The following NEGR1 variants were observed in gnomAD, a reference collection of about 807,000 sequenced individuals.
The protein encoded by NEGR1 is IgLON family member 4.
In NEGR1, 10 loss-of-function variants were observed where a neutral mutation model predicts 40.9. That is an observed-to-expected ratio of 0.24 (90% CI 0.15 to 0.42). The LOEUF (loss-of-function observed/expected upper bound fraction) is 0.42, where lower values mean the gene tolerates loss of function less well. Among genes scored for constraint, NEGR1 ranks in the 10% least tolerant of loss-of-function variants. The pLI, the probability that NEGR1 is intolerant of heterozygous loss-of-function variation, is 1.00. For synonymous variants in NEGR1, 185 were observed against 166.8 expected (o/e 1.11, Z -0.84); for missense variants, 352 against 438.9 (o/e 0.80, Z 1.77).
chr1:71,786,087 A>G (rs1656898668), intron 2 of NEGR1, among the ~76,000 whole-genome samples: 2 of 152,256 alleles, frequency 1.3e-5, no homozygotes, highest in East Asian at 3.9e-4. Flanking sequence ...AAGATAATAT[A>G]CATTCACTGA....
At chr1:71,988,923 T>G (rs1159562150) in intron 1 of NEGR1, among the ~76,000 whole-genome samples, 1 of 82,258 alleles carries the variant, frequency 1.2e-5, no homozygotes, top group Non-Finnish European at 2.2e-5. Flanking sequence ...TATTGGATGT[T>G]AAAAAAAAAA....
At position 72,282,443 on chromosome 1, in the gene NEGR1, C is replaced by T; in HGVS notation, c.52G>A (p.Ala18Thr). ...CAGCACAGGCTGAGGAGCACCGCCG[C>T]CAGCCACTGGTTCGAGCAACAAGCA... is the stretch of plus-strand genomic sequence containing the variant. ...QGACCSNQWL[A>T]AVLLSLCCLL... The change falls in exon 1 of 7, where the codon GCG becomes ACG. Residue 18 changes from alanine (A) to threonine (T), a missense_variant. Physicochemically the swap from Ala to Thr is moderately conservative, Grantham distance 58. Coordinates refer to ENST00000357731, the MANE Select transcript of NEGR1 (RefSeq NM_173808.3). 6.2e-7 allele frequency: 1 copy of T among 1,613,794 alleles called. No individual in the cohort carries two copies. Among genetic ancestry groups the T allele is most frequent in the Non-Finnish European group, 8.5e-7 (1 of 1,179,972 alleles).
chr1:71,812,055 A>G (rs1321183400), intron 2 of NEGR1, among the ~76,000 whole-genome samples: 1 of 151,838 alleles, frequency 6.6e-6, no homozygotes, highest in African/African-American at 2.4e-5. Context: ...TCCTCCTGCT[A>G]TCCCCCAACA....
intron 1 of NEGR1, among the ~76,000 whole-genome samples, chr1:72,147,411 G>A (rs1650950319): frequency 6.6e-6 from 1 of 152,048 alleles, no homozygotes; most frequent in African/African-American, 2.4e-5. Flanking sequence ...CACAAGAATA[G>A]CAAGGAAAAG....
At chr1:72,135,397 C>CAA (rs1386681075) in intron 1 of NEGR1, among the ~76,000 whole-genome samples, 3 of 26,640 alleles carry the variant, frequency 1.1e-4, no homozygotes, top group Non-Finnish European at 1.7e-4. Flanking sequence ...AAACAAAAAA[C>CAA]AAAAAACAAA....
At chr1:71,716,753 A>G (rs1309231493) in intron 3 of NEGR1, among the ~76,000 whole-genome samples, 1 of 152,082 alleles carries the variant, frequency 6.6e-6, no homozygotes. Flanking sequence ...GCTATCATAC[A>G]TTTTGGATTT....
At chr1:71,975,420 G>C (rs1043578245) in intron 1 of NEGR1, among the ~76,000 whole-genome samples, 3 of 152,146 alleles carry the variant, frequency 2.0e-5, no homozygotes, top group African/African-American at 7.2e-5. Flanking sequence ...AATTAGATTA[G>C]GAAGGACATG....
chr1:72,224,004 T>C (rs1052333271), intron 1 of NEGR1, among the ~76,000 whole-genome samples: 1 of 152,160 alleles, frequency 6.6e-6, no homozygotes, highest in Non-Finnish European at 1.5e-5. Flanking sequence ...CAACTCATCT[T>C]CACAGTAAGA....
intron 1 of NEGR1, among the ~76,000 whole-genome samples, chr1:72,262,651 G>T (rs947023100): frequency 6.6e-6 from 1 of 151,632 alleles, no homozygotes; most frequent in Non-Finnish European, 1.5e-5. Flanking sequence ...AAAGCAAAGA[G>T]GTTTATAAAT....
intron 4 of NEGR1, among the ~76,000 whole-genome samples, chr1:71,650,787 T>A (rs1570152149): frequency 6.6e-6 from 1 of 152,178 alleles, no homozygotes; most frequent in Non-Finnish European, 1.5e-5. Context: ...AAAATACAAT[T>A]TTAAAAGTGT....
chr1:72,012,814 T>TAC (rs1189031791), intron 1 of NEGR1, among the ~76,000 whole-genome samples: 28 of 139,962 alleles, frequency 2.0e-4, no homozygotes, highest in Admixed American at 1.2e-3. Context: ...TATATATATA[T>TAC]ATACACACAC....
At chr1:71,970,814 C>T (rs765836153) in intron 1 of NEGR1, among the ~76,000 whole-genome samples, 3 of 152,112 alleles carry the variant, frequency 2.0e-5, no homozygotes, top group East Asian at 1.9e-4. Flanking sequence ...AAATATGTAC[C>T]GATCATTGTA....
chr1:72,245,733 A>G (rs1318133110), intron 1 of NEGR1, among the ~76,000 whole-genome samples: 1 of 152,166 alleles, frequency 6.6e-6, no homozygotes, highest in African/African-American at 2.4e-5. Flanking sequence ...AATTCTTTCC[A>G]TAAACAGTAA....
At chr1:71,903,656 T>A (rs1351981068) in intron 2 of NEGR1, among the ~76,000 whole-genome samples, 1 of 151,918 alleles carries the variant, frequency 6.6e-6, no homozygotes, top group African/African-American at 2.4e-5. Flanking sequence ...TCATTTGTAC[T>A]ATTCATAAAT....
chr1:72,217,016 C>T lies in NEGR1; in HGVS notation c.176+65303G>A, dbSNP rs1387819854. ...GCTTTGTTAAAACACTTTTATTAAG[C>T]CTCTTTATCTGTAAGGTTTCAACTA... On this transcript the variant is annotated intron_variant, in intron 1 of 6. Transcript: ENST00000357731. Among the ~76,000 whole-genome samples, 5 of 151,184 alleles carry T rather than the reference C, an allele frequency of 3.3e-5. No homozygotes were observed. In the South Asian group the frequency reaches 8.4e-4, roughly 25 times the overall value.
intron 1 of NEGR1, among the ~76,000 whole-genome samples, chr1:72,233,088 T>A (rs1654427200): frequency 6.6e-6 from 1 of 152,074 alleles, no homozygotes; most frequent in South Asian, 2.1e-4. Context: ...AAAATGTAAA[T>A]ACACTGAAAT....
intron 4 of NEGR1, among the ~76,000 whole-genome samples, chr1:71,697,155 T>A (rs1434073544): frequency 6.6e-6 from 1 of 151,828 alleles, no homozygotes; most frequent in Non-Finnish European, 1.5e-5. Context: ...TGCAGCATAA[T>A]ACCACGTGCA....
intron 1 of NEGR1, among the ~76,000 whole-genome samples, chr1:71,987,987 C>T (rs545695858): frequency 1.3e-5 from 2 of 152,300 alleles, no homozygotes; most frequent in East Asian, 1.9e-4. Context: ...ATTTCTAAGT[C>T]TCTAATGAAG....
intron 1 of NEGR1, among the ~76,000 whole-genome samples, chr1:72,068,889 T>C (rs1009915983): frequency 3.9e-5 from 6 of 152,058 alleles, no homozygotes; most frequent in Admixed American, 1.3e-4. Context: ...AAAACACATG[T>C]TTATCATGAA....
Sources: allele counts gnomAD v4.1 joint callset (sites outside exome capture counted in the v4.1 genomes callset), GRCh38; gene constraint gnomAD v4.1.1; transcripts MANE v1.5; gene names NCBI Gene and HGNC (gene_info 2026-07-23, HGNC 2026-07-21).